The following PLEKHB2 variants were observed in gnomAD, a reference collection of about 807,000 sequenced individuals.
The protein encoded by PLEKHB2 is pleckstrin homology domain-containing family B member 2.
A neutral mutation model predicts 36.5 loss-of-function variants in PLEKHB2; 31 were observed. That is an observed-to-expected ratio of 0.85 (90% confidence interval 0.64 to 1.15). The LOEUF (loss-of-function observed/expected upper bound fraction) is 1.15, where lower values mean the gene tolerates loss of function less well. Ranked by LOEUF, PLEKHB2 falls within the 50% of genes most tolerant of loss-of-function variation. The pLI, the probability that PLEKHB2 is intolerant of heterozygous loss-of-function variation, is 0.00. For missense variants in PLEKHB2, 262 were observed against 295.3 expected, an observed-to-expected ratio of 0.89 and a Z score of 0.83; for synonymous variants, 119 against 112.0, an observed-to-expected ratio of 1.06 and a Z score of -0.39.
chr2:131,142,417 G>T (rs900827624), intron 7 of PLEKHB2, among the ~76,000 whole-genome samples: 5 of 151,640 alleles, frequency 3.3e-5, no homozygotes, highest in African/African-American at 1.2e-4. Flanking sequence ...TTTAGTAATT[G>T]CCTATTATCA....
chr2:131,107,511 G>A (rs2104754481), intron 1 of PLEKHB2: 1 of 152,354 alleles, frequency 6.6e-6, no homozygotes, highest in South Asian at 2.1e-4. Context: ...TTGAAGAACA[G>A]AGATGAGTTT....
chr2:131,136,216 C>G (rs1025140355), intron 6 of PLEKHB2, among the ~76,000 whole-genome samples: 1 of 140,404 alleles, frequency 7.1e-6, no homozygotes, highest in African/African-American at 2.7e-5. Context: ...CTCTCCTCCT[C>G]TCCTCTCCTC....
rs1396614018 is a variant in PLEKHB2, at chr2:131,133,114, G to T, written c.423+123G>T. Reference sequence around the variant, plus strand: ...TAAACCTTTTCTTCTTAAAACAGATGATTTCTTATCAACGTTTGTTTTCAT... The same window carrying T: ...TAAACCTTTTCTTCTTAAAACAGATTATTTCTTATCAACGTTTGTTTTCAT... On this transcript the variant is annotated intron_variant, in intron 6 of 7. Transcript: ENST00000693505. 1.5e-5 allele frequency: 10 copies of T among 649,994 alleles called. No individual in the cohort carries two copies. In the East Asian group the frequency reaches 1.9e-4, roughly 12 times the overall value. The allele number at this position is 649,994 out of a possible 1,614,324, so 40.3% of individuals were successfully genotyped here. A position where few individuals can be genotyped will look rare whatever the true frequency, so the allele number is the denominator to read the frequency against.
intron 2 of PLEKHB2, among the ~76,000 whole-genome samples, chr2:131,123,500 C>T (rs1220092723): frequency 6.6e-6 from 1 of 152,150 alleles, no homozygotes; most frequent in Non-Finnish European, 1.5e-5. Flanking sequence ...CCACCTGTCT[C>T]TGTGTTTCTG....
chr2:131,144,277 G>C (rs1699071570), intron 7 of PLEKHB2: 2 of 373,614 alleles, frequency 5.4e-6, no homozygotes, highest in East Asian at 7.7e-5. Flanking sequence ...GAGTACTGTA[G>C]ACGTATTGTA....
chr2:131,127,994 TG>T (rs781699077), intron 4 of PLEKHB2, among the ~76,000 whole-genome samples: 3 of 152,188 alleles, frequency 2.0e-5, no homozygotes, highest in Non-Finnish European at 4.4e-5. Context: ...AGCCCTAGCA[TG>T]GGACATTCAA....
At position 131,138,956 on chromosome 2, in the gene PLEKHB2, G is replaced by A. The variant is rs191751436; in HGVS notation, c.424-1211G>A. On this transcript the variant is annotated intron_variant, in intron 6 of 7. Coordinates refer to ENST00000693505, the MANE Select transcript of PLEKHB2 (RefSeq NM_001100623.2). ...AGTCTTATTTGACGGTGTTCTGAAG[G>A]CCCGGCAGTGCCTTGCTATTTGGCC... is the stretch of plus-strand genomic sequence containing the variant. Among the ~76,000 whole-genome samples, 154 of 152,256 alleles carry A rather than the reference G, an allele frequency of 1.0e-3. 1 individual carries two copies. The highest frequency in any genetic ancestry group is 3.4e-3 in the African/African-American group (141 of 41,546).
At chr2:131,136,944 C>CTTTT (rs1559098378) in intron 6 of PLEKHB2, among the ~76,000 whole-genome samples, 1 of 146,534 alleles carries the variant, frequency 6.8e-6, no homozygotes, top group African/African-American at 2.6e-5. Context: ...TCTTTCTTTT[C>CTTTT]TTTCTTTTTT....
At chr2:131,130,818 T>A in intron 5 of PLEKHB2, 58 bp downstream of exon 5, 1 of 1,255,232 alleles carries the variant, frequency 8.0e-7, no homozygotes, top group Non-Finnish European at 1.2e-6. Context: ...GGTGTCACTC[T>A]CACTCAGGCT....
At chr2:131,119,044 C>T (rs1429227438) in intron 1 of PLEKHB2, 1 of 151,652 alleles carries the variant, frequency 6.6e-6, no homozygotes, top group Admixed American at 6.6e-5. Context: ...CACCTGAGGT[C>T]AGGAGTTCGA....
intron 2 of PLEKHB2, 49 bp downstream of exon 2, chr2:131,121,027 T>C (rs1696461210): frequency 2.5e-6 from 4 of 1,578,552 alleles, no homozygotes; most frequent in East Asian, 2.2e-5. Context: ...AAGGGCAGTC[T>C]CTATTTCTGT....
At chr2:131,132,087 T>TC (rs1697764120) in intron 5 of PLEKHB2, among the ~76,000 whole-genome samples, 1 of 152,202 alleles carries the variant, frequency 6.6e-6, no homozygotes, top group Non-Finnish European at 1.5e-5. Context: ...TGCCTTGGCC[T>TC]CCCAAAATGC....
intron 1 of PLEKHB2, among the ~76,000 whole-genome samples, chr2:131,109,197 CA>C (rs1695031528): frequency 6.6e-6 from 1 of 152,108 alleles, no homozygotes; most frequent in Non-Finnish European, 1.5e-5. Context: ...TGATCAAAAT[CA>C]TACTTCATGA....
intron 4 of PLEKHB2, among the ~76,000 whole-genome samples, chr2:131,128,682 T>A (rs1697337968): frequency 6.6e-6 from 1 of 152,092 alleles, no homozygotes; most frequent in African/African-American, 2.4e-5. Flanking sequence ...GAAAAGTGAA[T>A]CATTGGCATG....
At chr2:131,129,662 G>A (rs1360999249) in intron 4 of PLEKHB2, among the ~76,000 whole-genome samples, 7 of 152,276 alleles carry the variant, frequency 4.6e-5, no homozygotes, top group African/African-American at 1.4e-4. Flanking sequence ...GTGCCACCAC[G>A]CCCAGCTAAT....
chr2:131,144,608 T>G (rs989859328), intron 7 of PLEKHB2, among the ~76,000 whole-genome samples: 3 of 152,262 alleles, frequency 2.0e-5, no homozygotes, highest in Admixed American at 2.0e-4. Context: ...AGAAACTGTG[T>G]CTGCCTTTTT....
At chr2:131,113,113 C>A (rs903094083) in intron 1 of PLEKHB2, among the ~76,000 whole-genome samples, 2 of 150,336 alleles carry the variant, frequency 1.3e-5, no homozygotes, top group Non-Finnish European at 2.9e-5. Flanking sequence ...GAGACCGGGT[C>A]TCACTCCTGC....
chr2:131,146,059 A>G (rs142815499), intron 7 of PLEKHB2, among the ~76,000 whole-genome samples: 3,269 of 152,004 alleles, frequency 0.022, 122 homozygotes, highest in African/African-American at 0.074. Flanking sequence ...GTGGGCGCCT[A>G]TAGTCCCAGT....
rs1327779489 is a variant in PLEKHB2 at position 131,149,212 on chromosome 2, G to C, written c.*2439G>C. The C allele has an allele frequency of 6.6e-6, 1 of 152,148 alleles. No individual in the cohort carries two copies. Among genetic ancestry groups the C allele is most frequent in the Non-Finnish European group, 1.5e-5 (1 of 68,038 alleles). 9.4% of individuals were successfully genotyped at this position (152,148 alleles called of 1,614,324 possible). A position where few individuals can be genotyped will look rare whatever the true frequency, so the allele number is the denominator to read the frequency against. On this transcript the variant is annotated 3_prime_UTR_variant, in exon 8 of 8. Transcript: ENST00000693505. Reference sequence around the variant, plus strand: ...GGTTGCTCAGGTATTTTATTTCCTTGGCCACAACTCCCATAGATGCCAATG... The same window carrying C: ...GGTTGCTCAGGTATTTTATTTCCTTCGCCACAACTCCCATAGATGCCAATG...
Sources: gnomAD v4.1 joint callset for allele counts (sites outside exome capture counted in the v4.1 genomes callset) on GRCh38, gnomAD v4.1.1 for gene constraint, MANE v1.5 for transcripts, NCBI Gene and HGNC (gene_info 2026-07-23, HGNC 2026-07-21) for gene names.